Variants in PIP5K1B observed in about 807,000 individuals in gnomAD.
PIP5K1B encodes the protein phosphatidylinositol-4-phosphate 5-kinase type 1 beta.
Under a neutral mutation model 67.0 loss-of-function variants are expected in PIP5K1B, and 42 were observed. The observed-to-expected ratio is 0.63, with a 90% confidence interval of 0.49 to 0.81. PIP5K1B has a LOEUF of 0.81. Ranked by LOEUF, PIP5K1B falls within the 30% of genes least tolerant of loss-of-function variation. PIP5K1B has a pLI of 0.00. For synonymous variants in PIP5K1B, 214 were observed against 231.4 expected (o/e 0.92, Z 0.68); for missense variants, 459 against 646.3 (o/e 0.71, Z 3.14).
chr9:68,853,364 T>G (rs992316379), intron 4 of PIP5K1B, among the ~76,000 whole-genome samples: 4 of 152,104 alleles, frequency 2.6e-5, no homozygotes, highest in African/African-American at 9.7e-5. Flanking sequence ...CTGTGAGATA[T>G]GGAAGAGGAA....
At chr9:68,800,888 TG>T (rs1387830425) in intron 2 of PIP5K1B, among the ~76,000 whole-genome samples, 8 of 152,218 alleles carry the variant, frequency 5.3e-5, no homozygotes, top group Admixed American at 5.2e-4. Context: ...GAACTTGAGC[TG>T]TAAGCACTCC....
At chr9:68,745,413 C>T (rs1359370297) in intron 2 of PIP5K1B, among the ~76,000 whole-genome samples, 2 of 152,206 alleles carry the variant, frequency 1.3e-5, no homozygotes, top group African/African-American at 2.4e-5. Flanking sequence ...TGAAAAACTG[C>T]ATCTAGGCCT....
intron 4 of PIP5K1B, among the ~76,000 whole-genome samples, chr9:68,823,403 C>T (rs1001165069): frequency 6.6e-6 from 1 of 152,202 alleles, no homozygotes; most frequent in Non-Finnish European, 1.5e-5. Flanking sequence ...AATGGACTCA[C>T]TACTTTCCAC....
At chr9:68,895,300 T>A (rs532264552) in intron 8 of PIP5K1B, among the ~76,000 whole-genome samples, 1 of 151,788 alleles carries the variant, frequency 6.6e-6, no homozygotes, top group South Asian at 2.1e-4. Context: ...AAGGGAAGAT[T>A]TTTTCTAACA....
At chr9:68,995,353 T>G (rs1297540057) in intron 15 of PIP5K1B, among the ~76,000 whole-genome samples, 1 of 152,228 alleles carries the variant, frequency 6.6e-6, no homozygotes, top group African/African-American at 2.4e-5. Context: ...TTAAATTTTA[T>G]GGCAGTACAT....
chr9:68,730,044 A>G (rs1828347372), intron 1 of PIP5K1B, among the ~76,000 whole-genome samples: 1 of 152,188 alleles, frequency 6.6e-6, no homozygotes, highest in Admixed American at 6.5e-5. Flanking sequence ...ATTCATAACA[A>G]TAGAATATTA....
At chr9:68,747,936 T>G in intron 2 of PIP5K1B, among the ~76,000 whole-genome samples, 1 of 152,202 alleles carries the variant, frequency 6.6e-6, no homozygotes, top group East Asian at 1.9e-4. Flanking sequence ...AACATAAAAT[T>G]AACCATTTTA....
At chr9:68,920,486 C>G (rs1359759975) in intron 11 of PIP5K1B, among the ~76,000 whole-genome samples, 2 of 149,406 alleles carry the variant, frequency 1.3e-5, no homozygotes, top group Non-Finnish European at 3.0e-5. Context: ...TCTTACCTCA[C>G]CCTCCTGAGT....
intron 14 of PIP5K1B, among the ~76,000 whole-genome samples, chr9:68,968,718 T>A (rs1414114868): frequency 2.0e-5 from 3 of 151,126 alleles, no homozygotes; most frequent in African/African-American, 7.3e-5. Flanking sequence ...TATATATATT[T>A]TTTTTTTGCA....
chr9:68,792,334 G>A (rs764479310), intron 2 of PIP5K1B, among the ~76,000 whole-genome samples: 18 of 152,046 alleles, frequency 1.2e-4, no homozygotes, highest in Admixed American at 9.2e-4. Flanking sequence ...CACAGTTTCT[G>A]TTTTGTTTTG....
chr9:68,959,696 C>T (rs1016923247), intron 14 of PIP5K1B, among the ~76,000 whole-genome samples: 5 of 152,268 alleles, frequency 3.3e-5, no homozygotes, highest in African/African-American at 4.8e-5. Context: ...TAAACATATT[C>T]GCAACTGTGC....
chr9:68,707,348 C>T (rs187361420), intron 1 of PIP5K1B, among the ~76,000 whole-genome samples: 10 of 152,306 alleles, frequency 6.6e-5, no homozygotes, highest in Admixed American at 5.2e-4. Flanking sequence ...TGAGTGTTCT[C>T]ACCTAATTCC....
chr9:68,956,490 T>G (rs900732229), intron 14 of PIP5K1B, among the ~76,000 whole-genome samples: 2 of 152,014 alleles, frequency 1.3e-5, no homozygotes, highest in Admixed American at 6.6e-5. Flanking sequence ...AAAGAAAAAT[T>G]TCTATGTTTG....
intron 14 of PIP5K1B, chr9:68,965,458 C>T (rs1207635620): frequency 2.0e-5 from 3 of 152,138 alleles, no homozygotes; most frequent in Admixed American, 1.3e-4. Context: ...CTTAAGGAAA[C>T]GAAGCCAGTT....
At chr9:68,761,399 A>C (rs1172759726) in intron 2 of PIP5K1B, among the ~76,000 whole-genome samples, 1 of 152,120 alleles carries the variant, frequency 6.6e-6, no homozygotes, top group Non-Finnish European at 1.5e-5. Context: ...AGATTACAGA[A>C]ATAATTTATT....
intron 8 of PIP5K1B, among the ~76,000 whole-genome samples, chr9:68,913,571 T>G (rs898982421): frequency 6.6e-6 from 1 of 152,210 alleles, no homozygotes; most frequent in Non-Finnish European, 1.5e-5. Flanking sequence ...ACAGAAGCCT[T>G]TTAATTTGTT....
At chr9:68,931,180 T>C (rs1826975691) in intron 12 of PIP5K1B, among the ~76,000 whole-genome samples, 1 of 152,212 alleles carries the variant, frequency 6.6e-6, no homozygotes, top group African/African-American at 2.4e-5. Flanking sequence ...TTCCTGGAAA[T>C]ATTAGCCACC....
chr9:68,843,518 G>A (rs1324708549), intron 4 of PIP5K1B, among the ~76,000 whole-genome samples: 1 of 152,100 alleles, frequency 6.6e-6, no homozygotes, highest in Non-Finnish European at 1.5e-5. Flanking sequence ...TGCTTATTGT[G>A]TAGGGCTGAT....
chr9:69,007,328 C>G (rs903105270), intron 15 of PIP5K1B, among the ~76,000 whole-genome samples: 6 of 152,150 alleles, frequency 3.9e-5, no homozygotes, highest in Admixed American at 1.3e-4. Flanking sequence ...GTCTCTGTGA[C>G]CCCCAGCTCC....
Sources: allele counts gnomAD v4.1 joint callset (sites outside exome capture counted in the v4.1 genomes callset), GRCh38; gene constraint gnomAD v4.1.1; transcripts MANE v1.5; gene names NCBI Gene and HGNC (gene_info 2026-07-23, HGNC 2026-07-21).